PRKCA: variants seen among roughly 807,000 people sequenced by gnomAD.
PRKCA encodes protein kinase C alpha, also known as protein kinase C alpha type.
PRKCA carries 27 observed loss-of-function variants against 87.0 expected under a neutral mutation model. The ratio of observed to expected loss-of-function variants is 0.31; its 90% confidence interval spans 0.23 to 0.43. PRKCA has a LOEUF of 0.43. PRKCA is among the 20% of genes least tolerant of loss of function. PRKCA has a pLI of 1.00. For synonymous variants in PRKCA, 329 were observed against 311.1 expected, an observed-to-expected ratio of 1.06 and a Z score of -0.61; for missense variants, 518 against 852.3, an observed-to-expected ratio of 0.61 and a Z score of 4.88.
At chr17:66,454,483 G>T (rs1047993658) in intron 2 of PRKCA, among the ~76,000 whole-genome samples, 14 of 152,162 alleles carry the variant, frequency 9.2e-5, no homozygotes, top group Non-Finnish European at 1.8e-4. Flanking sequence ...AGGTGTATTA[G>T]TCTGTTTTCA....
intron 2 of PRKCA, among the ~76,000 whole-genome samples, chr17:66,454,136 C>G (rs969332376): frequency 6.6e-6 from 1 of 152,218 alleles, no homozygotes; most frequent in Non-Finnish European, 1.5e-5. Context: ...TAATTGCATT[C>G]AGCTTCAATT....
intron 5 of PRKCA, among the ~76,000 whole-genome samples, chr17:66,662,453 T>TG (rs1248231675): frequency 6.6e-6 from 1 of 152,196 alleles, no homozygotes; most frequent in Non-Finnish European, 1.5e-5. Context: ...ATCCGTGGTT[T>TG]GGGGGTCATC....
chr17:66,724,243 C>T (rs1388266462), intron 8 of PRKCA, among the ~76,000 whole-genome samples: 1 of 151,662 alleles, frequency 6.6e-6, no homozygotes, highest in Non-Finnish European at 1.5e-5. Context: ...TTGCAGTGAG[C>T]CAAGATCGCG....
At chr17:66,716,622 G>T (rs561470612) in intron 8 of PRKCA, among the ~76,000 whole-genome samples, 1 of 152,136 alleles carries the variant, frequency 6.6e-6, no homozygotes, top group Non-Finnish European at 1.5e-5. Flanking sequence ...CAAGATTAGC[G>T]ATCCTAACAG....
At chr17:66,625,708 C>G (rs1027681361) in intron 3 of PRKCA, among the ~76,000 whole-genome samples, 7 of 152,134 alleles carry the variant, frequency 4.6e-5, no homozygotes, top group African/African-American at 1.7e-4. Context: ...TATCCTCATA[C>G]CAGAAGAAGC....
chr17:66,496,130 T>C, intron 2 of PRKCA, 71 bp from the exon 3 acceptor site: 3 of 1,205,780 alleles, frequency 2.5e-6, no homozygotes, highest in Non-Finnish European at 3.7e-6. Context: ...AGCAAGTATC[T>C]CTGTTTGGAA....
intron 3 of PRKCA, among the ~76,000 whole-genome samples, chr17:66,501,028 T>C (rs189315223): frequency 7.2e-5 from 11 of 152,300 alleles, no homozygotes; most frequent in Admixed American, 6.5e-4. Flanking sequence ...AGTACCTTCG[T>C]TGAGCTTGGC....
chr17:66,544,989 G>C (rs773523568), intron 3 of PRKCA, among the ~76,000 whole-genome samples: 4 of 152,176 alleles, frequency 2.6e-5, no homozygotes, highest in African/African-American at 9.7e-5. Context: ...GAAATGATAA[G>C]TAACTTACCG....
chr17:66,765,416 G>GTATA (rs1276368624), intron 13 of PRKCA, among the ~76,000 whole-genome samples: 2 of 16,032 alleles, frequency 1.2e-4, no homozygotes, highest in Admixed American at 7.9e-4. Context: ...GCAAGACTTT[G>GTATA]TCTATATATA....
intron 2 of PRKCA, among the ~76,000 whole-genome samples, chr17:66,385,328 A>G (rs1229256735): frequency 2.0e-5 from 3 of 152,222 alleles, no homozygotes; most frequent in African/African-American, 7.2e-5. Context: ...AAGGAATTCG[A>G]AGACAGTTTA....
intron 2 of PRKCA, among the ~76,000 whole-genome samples, chr17:66,483,991 GA>G (rs375193242): frequency 1.8e-4 from 27 of 151,468 alleles, no homozygotes; most frequent in Middle Eastern, 3.4e-3. Flanking sequence ...AATTTATTAA[GA>G]AAAAAAAAGT....
intron 3 of PRKCA, among the ~76,000 whole-genome samples, chr17:66,537,731 C>G (rs1296026243): frequency 6.6e-6 from 1 of 152,144 alleles, no homozygotes; most frequent in Non-Finnish European, 1.5e-5. Flanking sequence ...TTCTGAAGCT[C>G]CTAGACGTTT....
intron 2 of PRKCA, among the ~76,000 whole-genome samples, chr17:66,357,256 G>T (rs937282453): frequency 6.6e-6 from 1 of 152,132 alleles, no homozygotes; most frequent in Non-Finnish European, 1.5e-5. Context: ...CTGGGTGGTG[G>T]GGGAGGGCAC....
intron 3 of PRKCA, among the ~76,000 whole-genome samples, chr17:66,562,424 T>G (rs1363935442): frequency 5.3e-5 from 8 of 151,768 alleles, no homozygotes; most frequent in Admixed American, 2.0e-4. Context: ...AAACAGCAGT[T>G]GTGGAAGTAT....
intron 3 of PRKCA, among the ~76,000 whole-genome samples, chr17:66,618,709 G>A (rs1342839147): frequency 1.3e-5 from 2 of 152,148 alleles, no homozygotes; most frequent in Non-Finnish European, 2.9e-5. Context: ...TGACTCAAGC[G>A]ATTTCGTATT....
At chr17:66,800,921 G>A (rs985461410) in intron 16 of PRKCA, among the ~76,000 whole-genome samples, 1 of 152,202 alleles carries the variant, frequency 6.6e-6, no homozygotes, top group Admixed American at 6.5e-5. Context: ...TGAGTATCAA[G>A]AGAAGCACAG....
Position 66,641,344 on chromosome 17 carries a change from T to A in PRKCA, c.289-11T>A. Reference sequence around the variant, plus strand: ...TGACTAAAATGAGCATTGTGCTTCTTCTCCTCCCAGGACCCCAGGAGCAAG... The same window carrying A: ...TGACTAAAATGAGCATTGTGCTTCTACTCCTCCCAGGACCCCAGGAGCAAG... On this transcript the variant is annotated splice_polypyrimidine_tract_variant and intron_variant, in intron 3 of 16. Transcript: ENST00000413366. The A allele has an allele frequency of 6.2e-7, 1 of 1,601,102 alleles. No individual in the cohort carries two copies. The highest frequency in any genetic ancestry group is 8.5e-7 in the Non-Finnish European group (1 of 1,170,086).
intron 2 of PRKCA, among the ~76,000 whole-genome samples, chr17:66,493,172 A>G (rs1916317798): frequency 6.6e-6 from 1 of 152,234 alleles, no homozygotes; most frequent in African/African-American, 2.4e-5. Flanking sequence ...ATCACATTAT[A>G]TTATGATTAC....
intron 2 of PRKCA, among the ~76,000 whole-genome samples, chr17:66,367,374 G>A (rs1908799244): frequency 6.6e-6 from 1 of 152,202 alleles, no homozygotes; most frequent in Non-Finnish European, 1.5e-5. Context: ...GAGGACAGGT[G>A]AAAAATGATG....
Sources: allele counts gnomAD v4.1 joint callset (sites outside exome capture counted in the v4.1 genomes callset), GRCh38; gene constraint gnomAD v4.1.1; transcripts MANE v1.5; gene names NCBI Gene and HGNC (gene_info 2026-07-23, HGNC 2026-07-21).